Variants in GPC6 observed in about 807,000 individuals in gnomAD.
GPC6 encodes glypican-6.
In GPC6, 14 loss-of-function variants were observed where a neutral mutation model predicts 55.2. That is an observed-to-expected ratio of 0.25 (90% CI 0.17 to 0.40). The LOEUF is 0.40. Among genes scored for constraint, GPC6 ranks in the 10% least tolerant of loss-of-function variants. GPC6 has a pLI of 1.00. For missense variants in GPC6, 641 were observed against 708.5 expected (o/e 0.90, Z 1.08); for synonymous variants, 278 against 259.6 (o/e 1.07, Z -0.68).
intron 4 of GPC6, among the ~76,000 whole-genome samples, chr13:94,155,011 G>A (rs540580336): frequency 1.2e-4 from 19 of 152,156 alleles, no homozygotes; most frequent in African/African-American, 4.3e-4. Context: ...TTGAGCGCTG[G>A]TGTCCCCAGG....
At chr13:93,250,529 T>G (rs1465817260) in intron 1 of GPC6, among the ~76,000 whole-genome samples, 1 of 152,154 alleles carries the variant, frequency 6.6e-6, no homozygotes, top group Non-Finnish European at 1.5e-5. Context: ...CTGGCCCACC[T>G]CCAGCCTTGA....
chr13:93,228,123 T>C (rs1187494513), intron 1 of GPC6, among the ~76,000 whole-genome samples: 1 of 152,018 alleles, frequency 6.6e-6, no homozygotes, highest in East Asian at 1.9e-4. Flanking sequence ...CTCTCTCCCC[T>C]ATCCGTCCTT....
At chr13:94,314,898 A>G (rs1270666213) in intron 6 of GPC6, among the ~76,000 whole-genome samples, 1 of 152,156 alleles carries the variant, frequency 6.6e-6, no homozygotes, top group African/African-American at 2.4e-5. Context: ...ATACTCGGAC[A>G]CTCTTTACTG....
chr13:93,723,758 G>A (rs868514717), intron 2 of GPC6, among the ~76,000 whole-genome samples: 9 of 151,962 alleles, frequency 5.9e-5, no homozygotes, highest in South Asian at 2.1e-4. Flanking sequence ...TTTTTTGAGT[G>A]TGGGTGTAGA....
chr13:93,890,716 ATTT>A (rs35783811), intron 3 of GPC6, among the ~76,000 whole-genome samples: 3 of 125,384 alleles, frequency 2.4e-5, no homozygotes, highest in Admixed American at 1.6e-4. Context: ...ATTTTACTTA[ATTT>A]TTTTTTTTTT....
chr13:94,339,184 C>T (rs1348773966), intron 6 of GPC6, among the ~76,000 whole-genome samples: 1 of 152,098 alleles, frequency 6.6e-6, no homozygotes, highest in African/African-American at 2.4e-5. Context: ...CCGGCCTCAG[C>T]CCCACAAGTA....
At chr13:93,655,412 A>C (rs1880619480) in intron 2 of GPC6, among the ~76,000 whole-genome samples, 1 of 152,148 alleles carries the variant, frequency 6.6e-6, no homozygotes, top group Admixed American at 6.5e-5. Context: ...GTGCAGCTTT[A>C]TAGCTGTCTC....
At chr13:93,901,472 G>A (rs763244666) in intron 3 of GPC6, among the ~76,000 whole-genome samples, 6 of 151,920 alleles carry the variant, frequency 3.9e-5, no homozygotes, top group South Asian at 2.1e-4. Flanking sequence ...AAAGACTCCC[G>A]TTTAAAAAAT....
chr13:93,784,643 C>G (rs1885767502), intron 2 of GPC6, among the ~76,000 whole-genome samples: 1 of 152,144 alleles, frequency 6.6e-6, no homozygotes, highest in South Asian at 2.1e-4. Context: ...TTGTCTACTT[C>G]CAACTGTTGG....
intron 2 of GPC6, among the ~76,000 whole-genome samples, chr13:93,693,334 GATC>G (rs1882324801): frequency 6.6e-6 from 1 of 152,120 alleles, no homozygotes; most frequent in South Asian, 2.1e-4. Flanking sequence ...TTTTACAGAT[GATC>G]ATCAAACTCT....
chr13:93,280,380 G>T (rs1877909259), intron 1 of GPC6, among the ~76,000 whole-genome samples: 1 of 152,072 alleles, frequency 6.6e-6, no homozygotes, highest in Non-Finnish European at 1.5e-5. Context: ...TAATGTACCT[G>T]GTCAGCGGGG....
chr13:93,814,013 G>A (rs943657900), intron 2 of GPC6, among the ~76,000 whole-genome samples: 11 of 151,994 alleles, frequency 7.2e-5, no homozygotes, highest in Non-Finnish European at 1.3e-4. Context: ...CACATTCTAG[G>A]TGTCTTCTTA....
At chr13:94,165,548 C>T (rs991124444) in intron 4 of GPC6, among the ~76,000 whole-genome samples, 1 of 151,822 alleles carries the variant, frequency 6.6e-6, no homozygotes, top group Non-Finnish European at 1.5e-5. Context: ...CACTACATAC[C>T]GCTTAGGTGA....
At chr13:93,788,186 G>A (rs562382455) in intron 2 of GPC6, among the ~76,000 whole-genome samples, 4 of 152,214 alleles carry the variant, frequency 2.6e-5, no homozygotes, top group South Asian at 2.1e-4. Flanking sequence ...CGGTAGGTAC[G>A]ATTGTCTGGT....
intron 4 of GPC6, among the ~76,000 whole-genome samples, chr13:94,039,006 C>T (rs1883435262): frequency 6.6e-6 from 1 of 151,934 alleles, no homozygotes; most frequent in East Asian, 1.9e-4. Flanking sequence ...CAAGACCCAT[C>T]CCAGCAGAGA....
At chr13:94,144,699 G>C (rs1368880087) in intron 4 of GPC6, among the ~76,000 whole-genome samples, 1 of 151,932 alleles carries the variant, frequency 6.6e-6, no homozygotes, top group Non-Finnish European at 1.5e-5. Context: ...TAGATAATTT[G>C]TTCTTTTATT....
At chr13:93,323,242 A>G (rs1594096230) in intron 1 of GPC6, among the ~76,000 whole-genome samples, 2 of 152,202 alleles carry the variant, frequency 1.3e-5, no homozygotes, top group East Asian at 3.9e-4. Context: ...GATGCTCACC[A>G]TTATATAGTT....
chr13:94,157,450 G>C (rs753673528), intron 4 of GPC6, among the ~76,000 whole-genome samples: 8 of 152,138 alleles, frequency 5.3e-5, no homozygotes, highest in Non-Finnish European at 1.0e-4. Context: ...TGAAAGGATG[G>C]AGAGTGGGAG....
chr13:93,898,875 G>A (rs1342335427), intron 3 of GPC6, among the ~76,000 whole-genome samples: 1 of 150,142 alleles, frequency 6.7e-6, no homozygotes, highest in East Asian at 2.0e-4. Flanking sequence ...AGTTTCTGCA[G>A]TGAACACTAC....
Sources: gnomAD v4.1 joint callset for allele counts (sites outside exome capture counted in the v4.1 genomes callset) on GRCh38, gnomAD v4.1.1 for gene constraint, MANE v1.5 for transcripts, NCBI Gene and HGNC (gene_info 2026-07-23, HGNC 2026-07-21) for gene names.